POLB: variants seen among roughly 807,000 people sequenced by gnomAD.
The protein encoded by POLB is DNA polymerase beta, also known as 5'-dRP lyase.
A neutral mutation model predicts 52.7 loss-of-function variants in POLB; 37 were observed. The ratio of observed to expected loss-of-function variants is 0.70; its 90% CI spans 0.54 to 0.92. The LOEUF is 0.92. Among genes scored for constraint, POLB ranks in the 40% least tolerant of loss-of-function variants. POLB has a pLI of 0.00. For synonymous variants in POLB, 138 were observed against 131.3 expected (o/e 1.05, Z -0.35); for missense variants, 313 against 400.8 (o/e 0.78, Z 1.87).
At chr8:42,357,415 G>A (rs1435316390) in intron 9 of POLB, 23 bp downstream of exon 9, 8 of 1,326,486 alleles carry the variant, frequency 6.0e-6, no homozygotes, top group Non-Finnish European at 8.6e-6. Flanking sequence ...CTAATCTTGG[G>A]TTATTTTTGC....
chr8:42,342,715 C>T, intron 2 of POLB: 1 of 432,448 alleles, frequency 2.3e-6, no homozygotes, highest in East Asian at 4.9e-5. Context: ...GATGTAGGGG[C>T]CAGGCACAGT....
intron 6 of POLB, chr8:42,354,280 TAA>T (rs769558168): frequency 5.0e-5 from 18 of 362,714 alleles, no homozygotes; most frequent in Non-Finnish European, 9.7e-5. Context: ...TAGGAAATAT[TAA>T]GTGCTCTATA....
chr8:42,344,002 A>T (rs982728087), intron 2 of POLB, among the ~76,000 whole-genome samples: 2 of 151,652 alleles, frequency 1.3e-5, no homozygotes, highest in African/African-American at 4.8e-5. Flanking sequence ...GTGGTGGCGC[A>T]TGCCTGTAAT....
chr8:42,355,665 A>C, intron 7 of POLB, 98 bp downstream of exon 7: 1 of 692,736 alleles, frequency 1.4e-6, no homozygotes, highest in South Asian at 1.7e-5. Context: ...ACTTAGCTAA[A>C]CCACAACCAT....
At chr8:42,354,605 G>A (rs570513688) in intron 6 of POLB, 12 of 501,978 alleles carry the variant, frequency 2.4e-5, no homozygotes, top group Middle Eastern at 5.2e-4. Context: ...GTACAGTGGC[G>A]CAATCTTGGT....
chr8:42,354,485 T>G (rs1366194768), intron 6 of POLB: 1 of 1,271,060 alleles, frequency 7.9e-7, no homozygotes, highest in Non-Finnish European at 1.0e-6. Flanking sequence ...AGACTTAATA[T>G]GGGATGTTAT....
chr8:42,363,934 T>TC (rs894554626), intron 11 of POLB, among the ~76,000 whole-genome samples: 2 of 151,536 alleles, frequency 1.3e-5, no homozygotes, highest in African/African-American at 4.9e-5. Context: ...TTCTTTTTTT[T>TC]TTTTTTTTTG....
chr8:42,369,477 A>G, intron 12 of POLB, 142 bp downstream of exon 12: 1 of 575,568 alleles, frequency 1.7e-6, no homozygotes, highest in Non-Finnish European at 3.1e-6. Flanking sequence ...GCCAAATGCA[A>G]TGTTTAGCTC....
chr8:42,344,952 G>GA lies in POLB; in HGVS notation c.123dup (p.Ala42SerfsTer17). The GA allele has an allele frequency of 6.3e-7, 1 of 1,586,042 alleles. No individual in the cohort carries two copies. Among genetic ancestry groups the GA allele is most frequent in the Non-Finnish European group, 8.7e-7 (1 of 1,155,028 alleles). On this transcript the variant is annotated frameshift_variant and splice_region_variant. Coordinates refer to ENST00000265421, the MANE Select transcript of POLB (RefSeq NM_002690.3). LOFTEE classifies it high-confidence loss of function. Reference sequence around the variant, plus strand: ...GTTTTCCTTTTCTTCTTTCCTTATAGAAAAGCAGCATCTGTTATAGCAAAA... The same window carrying GA: ...GTTTTCCTTTTCTTCTTTCCTTATAGAAAAAGCAGCATCTGTTATAGCAAAA...
In POLB at chr8:42,371,585, A is replaced by G. The variant is rs780121622; in HGVS notation, c.936A>G (p.Pro312=). The change falls in exon 14 of 14, where the codon CCA becomes CCG. Residue 312 remains proline (P), a synonymous_variant. Coordinates refer to ENST00000265421, the MANE Select transcript of POLB (RefSeq NM_002690.3). ...CAGGAGTTGCAGGAGAACCCCTGCC[A>G]GTGGATAGTGAAAAAGACATCTTTG... ...GVTGVAGEPL[P]VDSEKDIFDY... 5 of 1,611,710 alleles carry G rather than the reference A, an allele frequency of 3.1e-6. No homozygotes were observed. In the African/African-American group the frequency reaches 4.0e-5, roughly 13 times the overall value.
At position 42,369,229 on chromosome 8, in the gene POLB, G is replaced by A. The variant is rs762834091; in HGVS notation, c.709-42G>A. On this transcript the variant is annotated intron_variant, in intron 11 of 13. Coordinates refer to ENST00000265421, the MANE Select transcript of POLB (RefSeq NM_002690.3). ...TTACTTGATTAAAATTAAGCCTTAA[G>A]TTTAGAACATCTTTAAACTTGGTTT... The A allele has an allele frequency of 4.9e-6, 6 of 1,220,150 alleles. No homozygotes were observed. The East Asian group carries it at 7.0e-5, about 14-fold the overall frequency. The allele number at this position is 1,220,150 out of a possible 1,614,324, so 75.6% of individuals were successfully genotyped here. A position where few individuals can be genotyped will look rare whatever the true frequency, so the allele number is the denominator to read the frequency against.
At chr8:42,343,736 A>G (rs1822407178) in intron 2 of POLB, among the ~76,000 whole-genome samples, 1 of 152,174 alleles carries the variant, frequency 6.6e-6, no homozygotes, top group South Asian at 2.1e-4. Flanking sequence ...CTCAGCACAA[A>G]TCAAAACAAA....
chr8:42,362,846 C>G, intron 11 of POLB, 148 bp downstream of exon 11: 2 of 566,876 alleles, frequency 3.5e-6, no homozygotes, highest in South Asian at 2.5e-5. Context: ...TAGCAGGGGC[C>G]GGGCGCGGTG....
intron 11 of POLB, 38 bp from the exon 12 acceptor site, chr8:42,369,233 A>T: frequency 7.9e-7 from 1 of 1,265,020 alleles, no homozygotes; most frequent in Non-Finnish European, 1.1e-6. Flanking sequence ...CCTTAAGTTT[A>T]GAACATCTTT....
chr8:42,354,335 G>A, intron 6 of POLB: 1 of 469,710 alleles, frequency 2.1e-6, no homozygotes, highest in Non-Finnish European at 3.9e-6. Flanking sequence ...TATCTCCAGA[G>A]GGAATGTGTA....
chr8:42,359,773 C>T (rs1823559578), intron 9 of POLB, among the ~76,000 whole-genome samples: 2 of 151,584 alleles, frequency 1.3e-5, no homozygotes, highest in South Asian at 4.2e-4. Flanking sequence ...TCTTTCTTTG[C>T]TCATACACTT....
chr8:42,365,467 A>G (rs184291172), intron 11 of POLB, among the ~76,000 whole-genome samples: 43 of 152,348 alleles, frequency 2.8e-4, no homozygotes, highest in Admixed American at 1.4e-3. Context: ...ATGTGCATGA[A>G]TCTTACATTT....
In POLB at chr8:42,345,000, GAGCTGA is replaced by G; in HGVS notation, c.172_177del (p.Glu58_Ala59del). On this transcript the variant is annotated inframe_deletion, in exon 3 of 14. Transcript: ENST00000265421. ...AAATACCCACACAAAATAAAGAGTG[GAGCTGA>G]AGCTAAGAAATTGGTAAGTTTAGTT... The G allele has an allele frequency of 6.2e-7, 1 of 1,608,702 alleles. No individual in the cohort carries two copies. Among genetic ancestry groups the G allele is most frequent in the Non-Finnish European group, 8.5e-7 (1 of 1,175,208 alleles).
rs201118406 is a variant in POLB at position 42,369,319 on chromosome 8, A to C, written c.757A>C (p.Arg253=). The C allele has an allele frequency of 1.9e-6, 3 of 1,583,674 alleles. No individual in the cohort carries two copies. Among genetic ancestry groups the C allele is most frequent in the Admixed American group, 1.7e-5 (1 of 59,550 alleles). ...SKNDEKEYPH[R]RIDIRLIPKD... ...AAATGATGAAAAAGAATATCCACAC[A>C]GAAGAATTGATATCAGGTATTGTTC... The change falls in exon 12 of 14, where the codon AGA becomes CGA. Residue 253 remains arginine (R), a synonymous_variant. Transcript: ENST00000265421.
Sources: allele counts gnomAD v4.1 joint callset (sites outside exome capture counted in the v4.1 genomes callset), GRCh38; gene constraint gnomAD v4.1.1; transcripts MANE v1.5; gene names NCBI Gene and HGNC (gene_info 2026-07-23, HGNC 2026-07-21).